Variants in ULK4 observed in about 807,000 individuals in gnomAD.
The protein encoded by ULK4 is inactive serine/threonine-protein kinase ULK4.
ULK4 carries 133 observed loss-of-function variants against 160.6 expected under a neutral mutation model. The observed-to-expected ratio is 0.83, with a 90% CI of 0.72 to 0.96. ULK4 has a LOEUF of 0.96. ULK4 is among the 40% of genes least tolerant of loss of function. ULK4 has a pLI of 0.00. For missense variants in ULK4, 1,580 were observed against 1,499.5 expected, an observed-to-expected ratio of 1.05 and a Z score of -0.89; for synonymous variants, 534 against 539.8, an observed-to-expected ratio of 0.99 and a Z score of 0.15.
chr3:41,831,418 GT>G (rs35015207), intron 18 of ULK4, among the ~76,000 whole-genome samples: 2,766 of 137,512 alleles, frequency 0.02, 31 homozygotes, highest in Non-Finnish European at 0.029. Context: ...TATACTAGTC[GT>G]TTTTTTTTTT....
chr3:41,957,720 A>T (rs886314475), intron 1 of ULK4, among the ~76,000 whole-genome samples: 2 of 151,860 alleles, frequency 1.3e-5, no homozygotes, highest in Non-Finnish European at 2.9e-5. Flanking sequence ...CTCAGAAAAA[A>T]AAAAAAAATT....
chr3:41,836,090 A>G, intron 17 of ULK4, 119 bp from the exon 18 acceptor site: 1 of 647,934 alleles, frequency 1.5e-6, no homozygotes, highest in South Asian at 2.2e-5. Context: ...TATTTTCCAA[A>G]TTATTTTCAA....
At chr3:41,898,923 TAAAC>T (rs1193953426) in intron 13 of ULK4, among the ~76,000 whole-genome samples, 1 of 152,210 alleles carries the variant, frequency 6.6e-6, no homozygotes, top group Non-Finnish European at 1.5e-5. Flanking sequence ...AAACATTCGA[TAAAC>T]AACAAAATAT....
At chr3:41,608,574 C>T (rs1422931799) in intron 31 of ULK4, among the ~76,000 whole-genome samples, 3 of 152,190 alleles carry the variant, frequency 2.0e-5, no homozygotes, top group African/African-American at 7.2e-5. Flanking sequence ...AGTCATTTTA[C>T]TTTGTTCCAT....
chr3:41,874,295 A>G (rs558204908), intron 17 of ULK4, among the ~76,000 whole-genome samples: 1 of 152,196 alleles, frequency 6.6e-6, no homozygotes, highest in Non-Finnish European at 1.5e-5. Flanking sequence ...CCTTTGAAAT[A>G]GATTCATCAT....
Position 41,579,771 on chromosome 3 carries a change from C to T in ULK4, c.3121-13641G>A, listed in dbSNP as rs535499762. On this transcript the variant is annotated intron_variant, in intron 31 of 36. Coordinates refer to ENST00000301831, the MANE Select transcript of ULK4 (RefSeq NM_017886.4). ...CCTCCCAAAGTGCTGGGATTACAGG[C>T]GTGAGCCACCGCGCCCGGCCTGGAA... Among the ~76,000 whole-genome samples, 10 of 152,170 alleles carry T rather than the reference C, an allele frequency of 6.6e-5. No individual in the cohort carries two copies. The East Asian group carries it at 1.6e-3, about 24-fold the overall frequency.
intron 30 of ULK4, among the ~76,000 whole-genome samples, chr3:41,651,998 A>G (rs1575530929): frequency 1.3e-5 from 2 of 152,318 alleles, no homozygotes. Context: ...AAGAATAACT[A>G]TAATAAGCAA....
chr3:41,619,051 A>G (rs1262959179), intron 30 of ULK4, among the ~76,000 whole-genome samples: 2 of 152,174 alleles, frequency 1.3e-5, no homozygotes, highest in Non-Finnish European at 2.9e-5. Flanking sequence ...ACATAATGGT[A>G]AAGGGATCAA....
chr3:41,788,395 C>T (rs1392021440), intron 21 of ULK4, among the ~76,000 whole-genome samples: 2 of 152,106 alleles, frequency 1.3e-5, no homozygotes, highest in Non-Finnish European at 2.9e-5. Flanking sequence ...TTGAAAGGTA[C>T]ACCTCTCTAC....
intron 34 of ULK4, among the ~76,000 whole-genome samples, chr3:41,425,331 C>A (rs1354800089): frequency 6.6e-6 from 1 of 152,070 alleles, no homozygotes; most frequent in African/African-American, 2.4e-5. Context: ...ACTGGGGTAC[C>A]TGAAAAGATA....
intron 35 of ULK4, among the ~76,000 whole-genome samples, chr3:41,383,018 C>T (rs55733242): frequency 0.029 from 4,442 of 151,682 alleles, 85 homozygotes; most frequent in Middle Eastern, 0.07. Context: ...TTAGTGTAGG[C>T]TTTCATAAGA....
chr3:41,431,547 C>CATTTT (rs563543377), intron 34 of ULK4, among the ~76,000 whole-genome samples: 4 of 95,854 alleles, frequency 4.2e-5, no homozygotes, highest in South Asian at 3.8e-4. Context: ...AATTCCCTCC[C>CATTTT]TTTTTTTTTT....
chr3:41,725,551 C>T (rs996260660), intron 22 of ULK4, among the ~76,000 whole-genome samples: 3 of 152,038 alleles, frequency 2.0e-5, no homozygotes, highest in Admixed American at 1.3e-4. Context: ...CTAGAATATC[C>T]ATTTGGGTTT....
At chr3:41,558,199 T>C (rs1314184558) in intron 32 of ULK4, among the ~76,000 whole-genome samples, 1 of 152,122 alleles carries the variant, frequency 6.6e-6, no homozygotes, top group Non-Finnish European at 1.5e-5. Flanking sequence ...AGCAAAATAT[T>C]GGAAACAACA....
chr3:41,533,155 C>G (rs188443621), intron 32 of ULK4, among the ~76,000 whole-genome samples: 1 of 152,272 alleles, frequency 6.6e-6, no homozygotes, highest in African/African-American at 2.4e-5. Context: ...CCAGCTGACA[C>G]TGTGGAGCCC....
At chr3:41,925,347 C>A (rs1250424477) in intron 5 of ULK4, among the ~76,000 whole-genome samples, 1 of 152,180 alleles carries the variant, frequency 6.6e-6, no homozygotes, top group Admixed American at 6.5e-5. Flanking sequence ...ATGGACTGTG[C>A]CGTGAGGAAC....
At chr3:41,639,181 GTT>G (rs1184150234) in intron 30 of ULK4, among the ~76,000 whole-genome samples, 1 of 152,106 alleles carries the variant, frequency 6.6e-6, no homozygotes, top group Non-Finnish European at 1.5e-5. Flanking sequence ...GCAAATAACA[GTT>G]TCTGAATTAG....
chr3:41,249,553 A>G lies in ULK4; in HGVS notation c.3700T>C (p.Leu1234=), dbSNP rs780067731. 3 of 1,614,066 alleles carry G rather than the reference A, an allele frequency of 1.9e-6. No individual in the cohort carries two copies. Among genetic ancestry groups the G allele is most frequent in the African/African-American group, 1.3e-5 (1 of 75,068 alleles). The change falls in exon 36 of 37, where the codon TTG becomes CTG. Residue 1234 remains leucine, a synonymous_variant. Coordinates refer to ENST00000301831, the MANE Select transcript of ULK4 (RefSeq NM_017886.4). The stretch of plus-strand genomic sequence containing the variant: ...CTGCCTGCATTCTTGAGGCTCTCCA[A>G]GTGCTTCTCATTGGAGGTGATCTGC... ...RRMITSNEKH[L]ESLKNAGSLL...
intron 32 of ULK4, among the ~76,000 whole-genome samples, chr3:41,480,423 C>A (rs1028825225): frequency 6.6e-6 from 1 of 151,956 alleles, no homozygotes; most frequent in Non-Finnish European, 1.5e-5. Context: ...TGGGTTTGAA[C>A]TATATCCACT....
Sources: allele counts gnomAD v4.1 joint callset (sites outside exome capture counted in the v4.1 genomes callset), GRCh38; gene constraint gnomAD v4.1.1; transcripts MANE v1.5; gene names NCBI Gene and HGNC (gene_info 2026-07-23, HGNC 2026-07-21).